Variants in C10orf67 observed in about 807,000 individuals in gnomAD.
C10orf67 encodes chromosome 10 open reading frame 67.
C10orf67 carries 60 observed loss-of-function variants against 35.6 expected under a neutral mutation model. The observed-to-expected ratio is 1.68, with a 90% CI of 1.37 to 2.09. The LOEUF (loss-of-function observed/expected upper bound fraction) is 2.09. Ranked by LOEUF, C10orf67 falls within the 30% of genes most tolerant of loss-of-function variation. C10orf67 has a pLI of 0.00. For missense variants in C10orf67, 474 were observed against 330.2 expected (o/e 1.44, Z -3.38); for synonymous variants, 167 against 115.8 (o/e 1.44, Z -2.84).
chr10:23,344,618 T>A lies in C10orf67; in HGVS notation c.157A>T (p.Lys53Ter). ...GGCTTGAATTCCCGAGCTTCTCGCT[T>A]CCTACGCGCGCAGCAGACCCGCAGC... ...TELRVCCARR[K>*]REAREFKPPQ... The change falls in exon 1 of 16, where the codon AAG becomes TAG. Residue 53 changes from lysine (K) to a stop codon, truncating the protein, a stop_gained. Coordinates refer to ENST00000636213, the MANE Select transcript of C10orf67 (RefSeq NM_001371909.1). LOFTEE classifies it high-confidence loss of function. The A allele has an allele frequency of 6.3e-7, 1 of 1,584,526 alleles. No individual in the cohort carries two copies. The highest frequency in any genetic ancestry group is 8.6e-7 in the Non-Finnish European group (1 of 1,166,112).
In C10orf67 at chr10:23,303,432, C is replaced by G; in HGVS notation, c.574G>C (p.Val192Leu). Residue 192 changes from valine (V) to leucine (L), a missense_variant, in exon 5 of 16, where the codon GTT (valine) becomes CTT (leucine). Transcript: ENST00000636213. The stretch of plus-strand genomic sequence containing the variant: ...ACAGTACTCGCATCTTGCAAAGAAA[C>G]ATTCTCTTCTTCTACCTCAAAGAAT... ...QQFFEVEEENVSLQDASTVKT... is the reference protein window; with the variant it reads ...QQFFEVEEENLSLQDASTVKT... 1.7e-6 allele frequency: 1 copy of G among 587,024 alleles called. No individual in the cohort carries two copies. Among genetic ancestry groups the G allele is most frequent in the Non-Finnish European group, 3.1e-6 (1 of 325,886 alleles). 36.4% of individuals were successfully genotyped at this position (587,024 alleles called of 1,614,324 possible).
chr10:23,208,186 C>T lies in C10orf67; in HGVS notation c.1571-3931G>A, dbSNP rs1010202049. Among the ~76,000 whole-genome samples, 9 of 152,236 alleles carry T rather than the reference C, an allele frequency of 5.9e-5. No homozygotes were observed. The South Asian group carries it at 1.9e-3, about 32-fold the overall frequency. On this transcript the variant is annotated intron_variant, in intron 15 of 15. Coordinates refer to ENST00000636213, the MANE Select transcript of C10orf67 (RefSeq NM_001371909.1). ...TATGAACAGGTGAACAATTTGGAGC[C>T]TAAGGATTGAAATGTTAAATGCTCT...
chr10:23,244,209 C>T (rs1050248423), intron 12 of C10orf67, among the ~76,000 whole-genome samples: 1 of 152,128 alleles, frequency 6.6e-6, no homozygotes, highest in South Asian at 2.1e-4. Flanking sequence ...TTCTAAATAA[C>T]CCATGGATCA....
chr10:23,251,295 G>A (rs901010564), intron 10 of C10orf67, among the ~76,000 whole-genome samples: 15 of 152,012 alleles, frequency 9.9e-5, no homozygotes, highest in African/African-American at 3.4e-4. Flanking sequence ...ATTGTAAATC[G>A]TGTTTTGTAA....
chr10:23,322,328 G>T (rs146773675), intron 3 of C10orf67, 66 bp downstream of exon 3: 158 of 1,499,262 alleles, frequency 1.1e-4, no homozygotes, highest in Admixed American at 6.8e-4. Flanking sequence ...ATTCTAAACT[G>T]CACTGCATAC....
intron 15 of C10orf67, among the ~76,000 whole-genome samples, chr10:23,221,971 C>T (rs140982396): frequency 6.6e-5 from 10 of 152,306 alleles, no homozygotes; most frequent in African/African-American, 2.4e-4. Flanking sequence ...TGTCCACAGG[C>T]ATCTGGTGTG....
chr10:23,282,879 C>T (rs958246230), intron 7 of C10orf67, among the ~76,000 whole-genome samples: 2 of 150,614 alleles, frequency 1.3e-5, no homozygotes, highest in African/African-American at 4.9e-5. Flanking sequence ...ATTGAACTTA[C>T]GGAGATAGAG....
At chr10:23,249,373 G>A (rs1209514144) in intron 12 of C10orf67, among the ~76,000 whole-genome samples, 2 of 152,026 alleles carry the variant, frequency 1.3e-5, no homozygotes, top group African/African-American at 4.8e-5. Context: ...ATGTATCTAC[G>A]TTCTGTTCTT....
chr10:23,224,368 C>T (rs1841674050), intron 13 of C10orf67, among the ~76,000 whole-genome samples: 1 of 152,156 alleles, frequency 6.6e-6, no homozygotes, highest in African/African-American at 2.4e-5. Context: ...CACACCAAAA[C>T]CCCATCTGTA....
At chr10:23,270,800 A>G (rs1180911468) in intron 8 of C10orf67, among the ~76,000 whole-genome samples, 1 of 152,218 alleles carries the variant, frequency 6.6e-6, no homozygotes. Context: ...CCCACAATGC[A>G]GCACAGCTGC....
chr10:23,233,947 C>T (rs1841975297), intron 13 of C10orf67, among the ~76,000 whole-genome samples: 1 of 152,170 alleles, frequency 6.6e-6, no homozygotes, highest in East Asian at 1.9e-4. Context: ...ATATATCACA[C>T]ATGTCACCTA....
chr10:23,212,680 C>CA (rs1177627436), intron 15 of C10orf67, among the ~76,000 whole-genome samples: 1 of 151,124 alleles, frequency 6.6e-6, no homozygotes, highest in Non-Finnish European at 1.5e-5. Flanking sequence ...CATGTCACAG[C>CA]AAAGTAGGCA....
intron 12 of C10orf67, among the ~76,000 whole-genome samples, chr10:23,249,131 CAAAAAAAAAAAAA>C (rs57702096): frequency 2.6e-3 from 57 of 21,558 alleles, no homozygotes; most frequent in South Asian, 5.6e-3. Context: ...AACTCCCTCT[CAAAAAAAAAAAAA>C]AAAAAAAAAA....
intron 5 of C10orf67, among the ~76,000 whole-genome samples, chr10:23,295,636 T>G (rs1843858736): frequency 1.3e-5 from 2 of 152,128 alleles, no homozygotes; most frequent in Non-Finnish European, 2.9e-5. Flanking sequence ...GGGAAATAAA[T>G]GGATCAAAAT....
chr10:23,317,462 A>C (rs9888000), intron 4 of C10orf67: 1 of 151,480 alleles, frequency 6.6e-6, no homozygotes, highest in Admixed American at 6.6e-5. Flanking sequence ...GGTGAGCACC[A>C]CTCCTGCTTG....
chr10:23,274,046 T>C (rs918802957), intron 8 of C10orf67, among the ~76,000 whole-genome samples: 1 of 152,076 alleles, frequency 6.6e-6, no homozygotes, highest in Non-Finnish European at 1.5e-5. Flanking sequence ...GGTAGGACCG[T>C]GATGGCGCCC....
At chr10:23,211,515 C>G (rs188336123) in intron 15 of C10orf67, among the ~76,000 whole-genome samples, 1 of 151,498 alleles carries the variant, frequency 6.6e-6, no homozygotes, top group African/African-American at 2.4e-5. Flanking sequence ...CCGTAACACA[C>G]ACTTTTCCAG....
At position 23,306,225 on chromosome 10, in the gene C10orf67, A is replaced by G. The variant is rs1343659542; in HGVS notation, c.547-2766T>C. On this transcript the variant is annotated intron_variant, in intron 4 of 15. Coordinates refer to ENST00000636213, the MANE Select transcript of C10orf67 (RefSeq NM_001371909.1). ...CAAAAAAGTTGAACTTGAAGCAGGG[A>G]GTAGAACGGTGGTTGACAGGCTGGG... 2.0e-5 allele frequency among the ~76,000 whole-genome samples: 3 copies of G among 152,240 alleles called. No homozygotes were observed. In the East Asian group the frequency reaches 5.8e-4, roughly 29 times the overall value.
intron 5 of C10orf67, among the ~76,000 whole-genome samples, chr10:23,298,147 C>T (rs1046969898): frequency 3.3e-5 from 5 of 152,002 alleles, no homozygotes; most frequent in South Asian, 2.1e-4. Flanking sequence ...CCCAGCTACT[C>T]GGGAGGCTGA....
Sources: allele counts gnomAD v4.1 joint callset (sites outside exome capture counted in the v4.1 genomes callset), GRCh38; gene constraint gnomAD v4.1.1; transcripts MANE v1.5; gene names NCBI Gene and HGNC (gene_info 2026-07-23, HGNC 2026-07-21).